FTO: variants seen among roughly 807,000 people sequenced by gnomAD.
FTO encodes the protein FTO alpha-ketoglutarate dependent dioxygenase.
FTO carries 47 observed loss-of-function variants against 63.9 expected under a neutral mutation model. The ratio of observed to expected loss-of-function variants is 0.74; its 90% CI spans 0.58 to 0.94. FTO has a LOEUF of 0.94. Ranked by LOEUF, FTO falls within the 40% of genes least tolerant of loss-of-function variation. FTO has a pLI of 0.00. For missense variants in FTO, 562 were observed against 618.1 expected, an observed-to-expected ratio of 0.91 and a Z score of 0.96; for synonymous variants, 207 against 224.4, an observed-to-expected ratio of 0.92 and a Z score of 0.69.
chr16:53,843,192 T>A (rs1567351012), intron 3 of FTO, among the ~76,000 whole-genome samples: 1 of 152,338 alleles, frequency 6.6e-6, no homozygotes, highest in East Asian at 1.9e-4. Flanking sequence ...TAAATATACT[T>A]GCTCAACAGT....
At chr16:54,002,537 G>A (rs73626767) in intron 8 of FTO, among the ~76,000 whole-genome samples, 1 of 152,362 alleles carries the variant, frequency 6.6e-6, no homozygotes, top group African/African-American at 2.4e-5. Flanking sequence ...GGAGAAACCT[G>A]TGAGGAAAGC....
At chr16:53,886,626 T>C (rs1240059920) in intron 6 of FTO, among the ~76,000 whole-genome samples, 1 of 152,206 alleles carries the variant, frequency 6.6e-6, no homozygotes, top group African/African-American at 2.4e-5. Context: ...TCCTTTTTTG[T>C]TTTGTTTTGT....
intron 8 of FTO, among the ~76,000 whole-genome samples, chr16:54,096,761 A>G (rs143932227): frequency 1.3e-4 from 20 of 152,322 alleles, no homozygotes; most frequent in Non-Finnish European, 2.5e-4. Context: ...GTGACCTGGA[A>G]CAATGCTTTC....
chr16:53,757,810 C>A (rs758637696), intron 1 of FTO, among the ~76,000 whole-genome samples: 13 of 152,120 alleles, frequency 8.5e-5, no homozygotes, highest in Non-Finnish European at 7.4e-5. Flanking sequence ...TCTTATGCAG[C>A]TGAAAACTGG....
At chr16:53,857,229 C>T (rs906251389) in intron 4 of FTO, among the ~76,000 whole-genome samples, 3 of 152,114 alleles carry the variant, frequency 2.0e-5, no homozygotes, top group East Asian at 1.9e-4. Context: ...GATCCTTACC[C>T]TCCTCCCACC....
intron 8 of FTO, among the ~76,000 whole-genome samples, chr16:53,964,699 A>G (rs549184722): frequency 2.6e-5 from 4 of 152,368 alleles, no homozygotes; most frequent in East Asian, 3.9e-4. Context: ...GTCTGCTTCT[A>G]TAATGGAAAC....
intron 8 of FTO, among the ~76,000 whole-genome samples, chr16:53,961,165 C>G (rs538231187): frequency 6.6e-6 from 1 of 151,776 alleles, no homozygotes; most frequent in East Asian, 1.9e-4. Context: ...TTCCCCTCTC[C>G]TGCAGGCTGT....
chr16:53,864,302 A>G (rs1195412042), intron 4 of FTO, among the ~76,000 whole-genome samples: 1 of 152,176 alleles, frequency 6.6e-6, no homozygotes, highest in Non-Finnish European at 1.5e-5. Flanking sequence ...TTTGGGTGAA[A>G]TGGCCCTGGT....
At chr16:54,005,688 T>C (rs1331512487) in intron 8 of FTO, among the ~76,000 whole-genome samples, 1 of 152,188 alleles carries the variant, frequency 6.6e-6, no homozygotes, top group Non-Finnish European at 1.5e-5. Flanking sequence ...AAACAACTAC[T>C]ATATACTGTC....
At chr16:53,828,254 C>T (rs1297036559) in intron 3 of FTO, among the ~76,000 whole-genome samples, 1 of 152,108 alleles carries the variant, frequency 6.6e-6, no homozygotes, top group African/African-American at 2.4e-5. Flanking sequence ...GGGTCTCGCT[C>T]TGTCGCCCAG....
chr16:53,881,117 G>A (rs1004270503), intron 6 of FTO, among the ~76,000 whole-genome samples: 25 of 115,416 alleles, frequency 2.2e-4, no homozygotes, highest in Admixed American at 1.5e-3. Flanking sequence ...GTGAGACTCC[G>A]TCTCAAAATA....
intron 4 of FTO, among the ~76,000 whole-genome samples, chr16:53,854,741 T>G (rs1448961738): frequency 6.6e-6 from 1 of 152,124 alleles, no homozygotes; most frequent in East Asian, 1.9e-4. Flanking sequence ...GTTCTATTTG[T>G]TTAGGATTCA....
chr16:53,844,354 T>C, intron 4 of FTO, 56 bp downstream of exon 4: 2 of 1,348,172 alleles, frequency 1.5e-6, no homozygotes, highest in South Asian at 1.2e-5. Context: ...ATTTAGATTA[T>C]AGGATTTATA....
chr16:53,834,067 C>T (rs951489625), intron 3 of FTO, among the ~76,000 whole-genome samples: 3 of 151,840 alleles, frequency 2.0e-5, no homozygotes, highest in Non-Finnish European at 4.4e-5. Context: ...GTCTGTCACC[C>T]AGGCTGGAGT....
intron 1 of FTO, among the ~76,000 whole-genome samples, chr16:53,749,686 G>A (rs1230498682): frequency 6.6e-6 from 1 of 152,008 alleles, no homozygotes; most frequent in South Asian, 2.1e-4. Context: ...TGATCCGCCC[G>A]CCTCGGCCTC....
At position 53,801,715 on chromosome 16, in the gene FTO, C is replaced by T. The variant is rs142569645; in HGVS notation, c.46-8425C>T. 7.7e-3 allele frequency among the ~76,000 whole-genome samples: 1,145 copies of T among 149,498 alleles called. 5 individuals carry two copies. The highest frequency in any genetic ancestry group is 0.017 in the Middle Eastern group (5 of 292). On this transcript the variant is annotated intron_variant, in intron 1 of 8. Coordinates refer to ENST00000471389, the MANE Select transcript of FTO (RefSeq NM_001080432.3). ...CATTTCCCCACTGTCTTCTGTCTTC[C>T]GGCAACCATTTTTTTTTTTTTTACA...
chr16:54,107,523 G>C (rs1329205962), intron 8 of FTO, among the ~76,000 whole-genome samples: 4 of 152,146 alleles, frequency 2.6e-5, no homozygotes, highest in African/African-American at 7.2e-5. Context: ...CCAAATGTCA[G>C]TGTTTTCATG....
chr16:54,012,104 T>G (rs2084347212), intron 8 of FTO, among the ~76,000 whole-genome samples: 1 of 152,246 alleles, frequency 6.6e-6, no homozygotes, highest in Non-Finnish European at 1.5e-5. Context: ...AAGACTTTTG[T>G]GCCAAATAGC....
At chr16:54,083,023 T>C (rs1386512998) in intron 8 of FTO, among the ~76,000 whole-genome samples, 2 of 152,212 alleles carry the variant, frequency 1.3e-5, no homozygotes, top group African/African-American at 2.4e-5. Context: ...CTATGTACCA[T>C]AGATTAGATT....
Sources: allele counts gnomAD v4.1 joint callset (sites outside exome capture counted in the v4.1 genomes callset), GRCh38; gene constraint gnomAD v4.1.1; transcripts MANE v1.5; gene names NCBI Gene and HGNC (gene_info 2026-07-23, HGNC 2026-07-21).